BPNT2: variants seen among roughly 807,000 people sequenced by gnomAD.
The protein encoded by BPNT2 is 3'(2'), 5'-bisphosphate nucleotidase 2.
A neutral mutation model predicts 29.3 loss-of-function variants in BPNT2; 11 were observed. That is an observed-to-expected ratio of 0.38 (90% CI 0.24 to 0.62). BPNT2 has a LOEUF of 0.62. Ranked by LOEUF, BPNT2 falls within the 20% of genes least tolerant of loss-of-function variation. BPNT2 has a pLI of 0.62. For synonymous variants in BPNT2, 195 were observed against 187.7 expected (o/e 1.04, Z -0.32); for missense variants, 459 against 473.4 (o/e 0.97, Z 0.28).
rs1341904548 is a variant in BPNT2, at chr8:56,958,861, T to C, written c.*4932A>G. 1 of 152,182 alleles carries C rather than the reference T, an allele frequency of 6.6e-6. No individual in the cohort carries two copies. The highest frequency in any genetic ancestry group is 2.4e-5 in the African/African-American group (1 of 41,450). 9.4% of individuals were successfully genotyped at this position (152,182 alleles called of 1,614,324 possible). A position where few individuals can be genotyped will look rare whatever the true frequency, so the allele number is the denominator to read the frequency against. On this transcript the variant is annotated 3_prime_UTR_variant, in exon 5 of 5. Coordinates refer to ENST00000262644, the MANE Select transcript of BPNT2 (RefSeq NM_017813.5). ...TGGCACATGGAAATTAAAAAGTCCA[T>C]AAACGTGCCCTCCTAACACGAGAAT...
chr8:56,989,043 A>G (rs983200528), intron 1 of BPNT2, among the ~76,000 whole-genome samples: 3 of 151,982 alleles, frequency 2.0e-5, no homozygotes, highest in Non-Finnish European at 4.4e-5. Flanking sequence ...CCAAGCAACT[A>G]CTCTGAGTCC....
chr8:56,966,228 A>G lies in BPNT2; in HGVS notation c.771T>C (p.Phe257=), dbSNP rs1413929588. 3.1e-6 allele frequency: 5 copies of G among 1,614,208 alleles called. No individual in the cohort carries two copies. The highest frequency in any genetic ancestry group is 1.1e-5 in the South Asian group (1 of 91,092). The change falls in exon 4 of 5, where the codon TTT becomes TTC. Residue 257 remains phenylalanine (F), a synonymous_variant. Transcript: ENST00000262644. ...CTGGGATAATTGTAGTCTGGTTTCC[A>G]AAAGTCTGAAGAGCGACCTGTTTGA... ...GMVKQVALQT[F]GNQTTIIPAG...
chr8:56,963,335 T>C lies in BPNT2; in HGVS notation c.*458A>G, dbSNP rs1805874153. 1 of 154,782 alleles carries C rather than the reference T, an allele frequency of 6.5e-6. No homozygotes were observed. The highest frequency in any genetic ancestry group is 1.4e-5 in the Non-Finnish European group (1 of 69,386). The allele number at this position is 154,782 out of a possible 1,614,324, so 9.6% of individuals were successfully genotyped here. A position where few individuals can be genotyped will look rare whatever the true frequency, so the allele number is the denominator to read the frequency against. Reference sequence around the variant, plus strand: ...AATGTGTGGCTTCTTGTGCTTTCCATCCAAATTAGAGGTAAAAATCCCCAA... The same window carrying C: ...AATGTGTGGCTTCTTGTGCTTTCCACCCAAATTAGAGGTAAAAATCCCCAA... On this transcript the variant is annotated 3_prime_UTR_variant, in exon 5 of 5. Coordinates refer to ENST00000262644, the MANE Select transcript of BPNT2 (RefSeq NM_017813.5).
intron 1 of BPNT2, among the ~76,000 whole-genome samples, chr8:56,980,914 T>C (rs942582078): frequency 1.3e-5 from 2 of 150,742 alleles, no homozygotes; most frequent in Admixed American, 6.6e-5. Flanking sequence ...TTTCTACATA[T>C]AACATATATA....
chr8:56,978,901 T>A (rs1455242400), intron 2 of BPNT2, among the ~76,000 whole-genome samples: 1 of 151,284 alleles, frequency 6.6e-6, no homozygotes, highest in East Asian at 1.9e-4. Flanking sequence ...GGATAGAGAG[T>A]GGGAGGAGGA....
At chr8:56,991,906 TAAAAAC>T (rs1002642613) in intron 1 of BPNT2, among the ~76,000 whole-genome samples, 1 of 151,706 alleles carries the variant, frequency 6.6e-6, no homozygotes, top group African/African-American at 2.4e-5. Context: ...TTTGTGATGA[TAAAAAC>T]AGAGTAGGGA....
At chr8:56,965,199 G>T (rs1805919611) in intron 4 of BPNT2, among the ~76,000 whole-genome samples, 1 of 151,980 alleles carries the variant, frequency 6.6e-6, no homozygotes, top group Non-Finnish European at 1.5e-5. Context: ...CATGCCTGTA[G>T]TCCCAGCTAC....
chr8:56,979,342 GC>G (rs1184822776), intron 2 of BPNT2, among the ~76,000 whole-genome samples: 2 of 152,174 alleles, frequency 1.3e-5, no homozygotes, highest in Admixed American at 6.5e-5. Flanking sequence ...ATATGAACAG[GC>G]CAATCTCAGT....
Position 56,963,376 on chromosome 8 carries a change from TGA to T in BPNT2, c.*415_*416del, listed in dbSNP as rs886063016. On this transcript the variant is annotated 3_prime_UTR_variant, in exon 5 of 5. Coordinates refer to ENST00000262644, the MANE Select transcript of BPNT2 (RefSeq NM_017813.5). ...AAATCCCCAATGACTTTATTTTCAA[TGA>T]GATATAGTTGTAAAGTTATATTAAA... is the stretch of plus-strand genomic sequence containing the variant. 6.3e-6 allele frequency: 1 copy of T among 157,700 alleles called. No homozygotes were observed. Among genetic ancestry groups the T allele is most frequent in the Admixed American group, 6.4e-5 (1 of 15,728 alleles). The allele number at this position is 157,700 out of a possible 1,614,324, so 9.8% of individuals were successfully genotyped here.
At position 56,993,266 on chromosome 8, in the gene BPNT2, G is replaced by A; in HGVS notation, c.320C>T (p.Thr107Ile). 6.2e-7 allele frequency: 1 copy of A among 1,610,570 alleles called. No homozygotes were observed. The highest frequency in any genetic ancestry group is 8.5e-7 in the Non-Finnish European group (1 of 1,179,930). ...GCGGTTGGACAGCACGTCGCCGCTG[G>A]TCATCTTGTCCTCGGCTCCCTCGCG... ...KTREGAEDKM[T>I]SGDVLSNRKM... Residue 107 changes from threonine to isoleucine, a missense_variant, in exon 1 of 5, where the codon ACC becomes ATC. Thr to Ile is a moderately conservative substitution (Grantham distance 89). Coordinates refer to ENST00000262644, the MANE Select transcript of BPNT2 (RefSeq NM_017813.5).
rs1806460014 is a variant in BPNT2 at position 56,993,701 on chromosome 8, C to T, written c.-116G>A. ...GGCGCCGCGCGGGCTACACTGGCGCCCGCTCCCCGGCCCCGGTGCGCCCCA... is the reference window on the plus strand; with the variant it reads ...GGCGCCGCGCGGGCTACACTGGCGCTCGCTCCCCGGCCCCGGTGCGCCCCA... On this transcript the variant is annotated 5_prime_UTR_variant, in exon 1 of 5. Transcript: ENST00000262644. The T allele has an allele frequency of 9.8e-7, 1 of 1,020,416 alleles. No homozygotes were observed. The highest frequency in any genetic ancestry group is 1.7e-5 in the African/African-American group (1 of 58,020). The allele number at this position is 1,020,416 out of a possible 1,614,324, so 63.2% of individuals were successfully genotyped here. A position where few individuals can be genotyped will look rare whatever the true frequency, so the allele number is the denominator to read the frequency against.
chr8:56,969,307 G>C (rs748730683), intron 3 of BPNT2, among the ~76,000 whole-genome samples: 33 of 152,224 alleles, frequency 2.2e-4, no homozygotes, highest in Non-Finnish European at 4.3e-4. Flanking sequence ...AAAGTTGTTA[G>C]CATGTACTCA....
rs377437636 is a variant in BPNT2 at position 56,993,387 on chromosome 8, G to A, written c.199C>T (p.Leu67=). The change falls in exon 1 of 5, where the codon CTG becomes TTG. Residue 67 remains leucine, a synonymous_variant. Coordinates refer to ENST00000262644, the MANE Select transcript of BPNT2 (RefSeq NM_017813.5). The stretch of plus-strand genomic sequence containing the variant: ...ACTGCGGCCAGCACTGACACAGCCA[G>A]CATCTCGCGCAAGTCCACGGTGCCC... The part of the protein sequence containing the change: ...DGGTVDLREM[L]AVSVLAAVRG... 34 of 1,608,046 alleles carry A rather than the reference G, an allele frequency of 2.1e-5. No homozygotes were observed. The highest frequency in any genetic ancestry group is 2.9e-5 in the Non-Finnish European group (34 of 1,179,576).
In BPNT2 at chr8:56,959,131, G is replaced by C. The variant is rs1187261177; in HGVS notation, c.*4662C>G. ...TCAATTTCCACAAATTGTTAATTAT[G>C]ATACTTAAGGGAACCCTTACAATAT... On this transcript the variant is annotated 3_prime_UTR_variant, in exon 5 of 5. Transcript: ENST00000262644. 1 of 152,092 alleles carries C rather than the reference G, an allele frequency of 6.6e-6. No homozygotes were observed. The allele number at this position is 152,092 out of a possible 1,614,324, so 9.4% of individuals were successfully genotyped here. A position where few individuals can be genotyped will look rare whatever the true frequency, so the allele number is the denominator to read the frequency against.
intron 3 of BPNT2, among the ~76,000 whole-genome samples, chr8:56,972,029 A>C (rs928637870): frequency 1.5e-4 from 22 of 147,502 alleles, no homozygotes; most frequent in African/African-American, 5.6e-4. Flanking sequence ...TGGGAGGTGG[A>C]GCCTGCAGTG....
intron 1 of BPNT2, among the ~76,000 whole-genome samples, chr8:56,992,077 A>G (rs1250886603): frequency 2.0e-5 from 3 of 152,220 alleles, no homozygotes; most frequent in African/African-American, 7.2e-5. Flanking sequence ...GGAGGAAGAG[A>G]GGAGAATAAA....
intron 3 of BPNT2, chr8:56,967,197 T>C (rs1400616287): frequency 4.4e-5 from 20 of 456,178 alleles, no homozygotes; most frequent in Non-Finnish European, 8.4e-5. Flanking sequence ...TGAAACCAGC[T>C]GCATCACCAG....
At chr8:56,966,910 T>C (rs1398180065) in intron 3 of BPNT2, among the ~76,000 whole-genome samples, 1 of 152,260 alleles carries the variant, frequency 6.6e-6, no homozygotes, top group Admixed American at 6.5e-5. Context: ...TAAGTGACTT[T>C]ATAAACAGAA....
At chr8:56,969,325 T>C (rs375814619) in intron 3 of BPNT2, among the ~76,000 whole-genome samples, 1 of 152,192 alleles carries the variant, frequency 6.6e-6, no homozygotes. Context: ...TCAGGGAAGA[T>C]CATACCATGA....
Sources: allele counts gnomAD v4.1 joint callset (sites outside exome capture counted in the v4.1 genomes callset), GRCh38; gene constraint gnomAD v4.1.1; transcripts MANE v1.5; gene names NCBI Gene and HGNC (gene_info 2026-07-23, HGNC 2026-07-21).